LRRC31: variants seen among roughly 807,000 people sequenced by gnomAD.
The protein encoded by LRRC31 is leucine rich repeat containing 31, also known as leucine-rich repeat-containing protein 31.
LRRC31 carries 35 observed loss-of-function variants against 46.7 expected under a neutral mutation model. The ratio of observed to expected loss-of-function variants is 0.75; its 90% confidence interval spans 0.57 to 0.99. LRRC31 has a LOEUF of 0.99. LRRC31 is among the 50% of genes least tolerant of loss of function. The pLI is 0.00. For missense variants in LRRC31, 613 were observed against 626.1 expected, an observed-to-expected ratio of 0.98 and a Z score of 0.22; for synonymous variants, 236 against 235.1, an observed-to-expected ratio of 1.00 and a Z score of -0.03.
chr3:169,847,121 A>G (rs1394196870), intron 8 of LRRC31, among the ~76,000 whole-genome samples: 1 of 152,176 alleles, frequency 6.6e-6, no homozygotes. Flanking sequence ...GGAGCCAGAG[A>G]GAGTACTCTC....
chr3:169,848,029 G>C (rs986891235), intron 8 of LRRC31, 91 bp downstream of exon 8: 1 of 1,330,204 alleles, frequency 7.5e-7, no homozygotes, highest in African/African-American at 1.5e-5. Flanking sequence ...CCCAGGTCTG[G>C]TACCTCCCCC....
chr3:169,843,037 G>A (rs746397114), intron 8 of LRRC31, among the ~76,000 whole-genome samples: 10 of 138,454 alleles, frequency 7.2e-5, no homozygotes, highest in Non-Finnish European at 1.6e-4. Flanking sequence ...TTTGCTCCCA[G>A]AATTAGCTTA....
In LRRC31 at chr3:169,848,274, A is replaced by C. The variant is rs578033008; in HGVS notation, c.1173T>G (p.Val391=). The change falls in exon 8 of 9, where the codon GTT becomes GTG. Residue 391 remains valine, a synonymous_variant. Transcript: ENST00000316428. Reference sequence around the variant, plus strand: ...TGAATACTTCCAGAGCAGAGAGGTGAACAGAGGCTTCAGCTAAAAGTGATA... The same window carrying C: ...TGAATACTTCCAGAGCAGAGAGGTGCACAGAGGCTTCAGCTAAAAGTGATA... The part of the protein sequence containing the change: ...ETFTALAEAS[V]HLSALEVFNL... The C allele has an allele frequency of 6.2e-7, 1 of 1,614,116 alleles. No individual in the cohort carries two copies. The highest frequency in any genetic ancestry group is 2.2e-5 in the East Asian group (1 of 44,890).
intron 1 of LRRC31, 138 bp downstream of exon 1, chr3:169,869,495 G>A: frequency 1.7e-6 from 1 of 583,140 alleles, no homozygotes; most frequent in Non-Finnish European, 2.7e-6. Flanking sequence ...TTGCATGCCT[G>A]TATTGAAACA....
chr3:169,860,476 C>T (rs1287042901), intron 3 of LRRC31, 85 bp downstream of exon 3: 20 of 1,400,074 alleles, frequency 1.4e-5, no homozygotes, highest in Non-Finnish European at 1.7e-5. Context: ...AATCCGCCAG[C>T]CTCAGCCTCC....
intron 6 of LRRC31, chr3:169,853,427 G>A (rs968875170): frequency 3.0e-6 from 3 of 985,202 alleles, no homozygotes; most frequent in Admixed American, 1.2e-4. Context: ...ACCCATGTCA[G>A]TGGCTGTGAA....
chr3:169,854,049 G>A (rs1780869223), intron 6 of LRRC31, among the ~76,000 whole-genome samples: 1 of 152,230 alleles, frequency 6.6e-6, no homozygotes, highest in African/African-American at 2.4e-5. Flanking sequence ...AATCAGCAAG[G>A]GCAGTGGCCA....
intron 6 of LRRC31, chr3:169,853,181 C>T: frequency 1.0e-6 from 1 of 982,816 alleles, no homozygotes; most frequent in Non-Finnish European, 1.2e-6. Context: ...TCTGTAGCCC[C>T]TGGCACGGTG....
intron 1 of LRRC31, among the ~76,000 whole-genome samples, chr3:169,868,034 G>A (rs1371392025): frequency 1.3e-5 from 2 of 152,226 alleles, no homozygotes; most frequent in South Asian, 2.1e-4. Context: ...ATGTAGCAAT[G>A]TGGGAATTGA....
intron 8 of LRRC31, 114 bp from the exon 9 acceptor site, chr3:169,840,427 T>C (rs1459078801): frequency 8.9e-7 from 1 of 1,129,582 alleles, no homozygotes; most frequent in African/African-American, 1.5e-5. Context: ...TAGTAATTAG[T>C]AATGATTTGT....
At chr3:169,842,113 C>A (rs1780470861) in intron 8 of LRRC31, among the ~76,000 whole-genome samples, 1 of 151,472 alleles carries the variant, frequency 6.6e-6, no homozygotes, top group Non-Finnish European at 1.5e-5. Context: ...AATGTGAGCA[C>A]CCTATTTTAT....
At position 169,869,787 on chromosome 3, in the gene LRRC31, T is replaced by A; in HGVS notation, c.21A>T (p.Lys7Asn). ...GCTTAGTTTCTCCTTCTGAGGAAGT[T>A]TTCTTCCTTGTTTGACTCATGGTGA... MSQTRK[K>N]TSSEGETKPQ... is the part of the protein sequence containing the mutation. The change falls in exon 1 of 9, where the codon AAA becomes AAT. Residue 7 changes from lysine (K) to asparagine (N), a missense_variant. Coordinates refer to ENST00000316428, the MANE Select transcript of LRRC31 (RefSeq NM_024727.4). 6.2e-7 allele frequency: 1 copy of A among 1,612,606 alleles called. No homozygotes were observed. The highest frequency in any genetic ancestry group is 8.5e-7 in the Non-Finnish European group (1 of 1,179,588).
At chr3:169,860,765 G>A (rs1225660200) in intron 2 of LRRC31, 37 bp from the exon 3 acceptor site, 1 of 1,584,968 alleles carries the variant, frequency 6.3e-7, no homozygotes, top group Non-Finnish European at 8.7e-7. Flanking sequence ...ATATGTGTAT[G>A]TGACTTGTGA....
At position 169,860,619 on chromosome 3, in the gene LRRC31, C is replaced by T; in HGVS notation, c.429G>A (p.Lys143=). The T allele has an allele frequency of 6.2e-7, 1 of 1,614,164 alleles. No homozygotes were observed. Among genetic ancestry groups the T allele is most frequent in the Non-Finnish European group, 8.5e-7 (1 of 1,180,024 alleles). ...SITQQMHLVS[K]LKILRLGSCR... The stretch of plus-strand genomic sequence containing the variant: ...AGCTACCCAGCCTCAAGATTTTTAA[C>T]TTGCTGACCAGATGCATTTGCTGAG... Residue 143 remains lysine, a synonymous_variant, in exon 3 of 9, where the codon AAG becomes AAA. Coordinates refer to ENST00000316428, the MANE Select transcript of LRRC31 (RefSeq NM_024727.4).
chr3:169,856,292 T>C, intron 5 of LRRC31, 44 bp downstream of exon 5: 1 of 1,243,980 alleles, frequency 8.0e-7, no homozygotes, highest in Non-Finnish European at 1.1e-6. Flanking sequence ...GTATATCATA[T>C]ATAATTATAC....
At chr3:169,851,888 C>T (rs2108208954) in intron 6 of LRRC31, 102 bp from the exon 7 acceptor site, 4 of 1,169,544 alleles carry the variant, frequency 3.4e-6, no homozygotes, top group East Asian at 2.4e-5. Flanking sequence ...GTCAATACAG[C>T]TCTCCCCACC....
rs1470891739 is a variant in LRRC31, at chr3:169,844,322, T to C, written c.1327+3798A>G. Among the ~76,000 whole-genome samples the C allele has an allele frequency of 2.0e-5, 3 of 152,208 alleles. No individual in the cohort carries two copies. In the East Asian group the frequency reaches 5.8e-4, roughly 29 times the overall value. On this transcript the variant is annotated intron_variant, in intron 8 of 8. Transcript: ENST00000316428. ...AATATTATTAATTATTATCATTCAT[T>C]ATTATTATGAATATTAATGAACTAT...
intron 1 of LRRC31, among the ~76,000 whole-genome samples, chr3:169,866,315 T>C (rs572072400): frequency 7.0e-4 from 107 of 152,188 alleles, no homozygotes; most frequent in African/African-American, 2.5e-3. Flanking sequence ...AAGGACAGAA[T>C]TAACATGACT....
At position 169,861,892 on chromosome 3, in the gene LRRC31, T is replaced by C. The variant is rs1354732247; in HGVS notation, c.176-79A>G. The C allele has an allele frequency of 2.9e-6, 4 of 1,400,994 alleles. No homozygotes were observed. The East Asian group carries it at 9.2e-5, about 32-fold the overall frequency. The allele number at this position is 1,400,994 out of a possible 1,614,324, so 86.8% of individuals were successfully genotyped here. On this transcript the variant is annotated intron_variant, in intron 1 of 8. Coordinates refer to ENST00000316428, the MANE Select transcript of LRRC31 (RefSeq NM_024727.4). Reference sequence around the variant, plus strand: ...TGCATAATGACCACAATCAGACAAGTGAAAAGACTGCATAACTCTGAATTG... The same window carrying C: ...TGCATAATGACCACAATCAGACAAGCGAAAAGACTGCATAACTCTGAATTG...
Sources: gnomAD v4.1 joint callset for allele counts (sites outside exome capture counted in the v4.1 genomes callset) on GRCh38, gnomAD v4.1.1 for gene constraint, MANE v1.5 for transcripts, NCBI Gene and HGNC (gene_info 2026-07-23, HGNC 2026-07-21) for gene names.